SOX5: variants seen among roughly 807,000 people sequenced by gnomAD.
SOX5 encodes transcription factor SOX-5.
SOX5 carries 9 observed loss-of-function variants against 92.0 expected under a neutral mutation model. That is an observed-to-expected ratio of 0.10 (90% CI 0.06 to 0.17). The LOEUF (loss-of-function observed/expected upper bound fraction) is 0.17. Among genes scored for constraint, SOX5 ranks in the 10% least tolerant of loss-of-function variants. The pLI is 1.00. For missense variants in SOX5, 642 were observed against 944.5 expected, an observed-to-expected ratio of 0.68 and a Z score of 4.20; for synonymous variants, 344 against 336.3, an observed-to-expected ratio of 1.02 and a Z score of -0.25.
At chr12:24,310,275 T>C (rs1291053621) in intron 2 of SOX5, among the ~76,000 whole-genome samples, 1 of 152,168 alleles carries the variant, frequency 6.6e-6, no homozygotes, top group Non-Finnish European at 1.5e-5. Context: ...ATAACAAAGA[T>C]CGTACATTTA....
intron 4 of SOX5, among the ~76,000 whole-genome samples, chr12:24,173,154 C>T (rs1202657571): frequency 2.0e-5 from 3 of 152,192 alleles, no homozygotes; most frequent in African/African-American, 4.8e-5. Flanking sequence ...CCCATCGCAT[C>T]GTCCCACCCT....
chr12:23,904,313 C>G (rs2097268007), intron 1 of SOX5, among the ~76,000 whole-genome samples: 1 of 149,950 alleles, frequency 6.7e-6, no homozygotes, highest in Non-Finnish European at 1.5e-5. Flanking sequence ...TACTTCTCTA[C>G]CCATTTCTTC....
rs1938625807 is a variant in SOX5 at position 23,530,010 on chromosome 12, ACT to A, written c.*4207_*4208del. 6.6e-6 allele frequency: 1 copy of A among 152,038 alleles called. No homozygotes were observed. Among genetic ancestry groups the A allele is most frequent in the Non-Finnish European group, 1.5e-5 (1 of 68,020 alleles). 9.4% of individuals were successfully genotyped at this position (152,038 alleles called of 1,614,324 possible). A position where few individuals can be genotyped will look rare whatever the true frequency, so the allele number is the denominator to read the frequency against. ...ACAGGAATCAATCAATCAGTAGGAAACTCAACACATCGTCTTCAACCTGGGAA... is the reference window on the plus strand; with the variant it reads ...ACAGGAATCAATCAATCAGTAGGAAACAACACATCGTCTTCAACCTGGGAA... On this transcript the variant is annotated 3_prime_UTR_variant, in exon 15 of 15. Coordinates refer to ENST00000451604, the MANE Select transcript of SOX5 (RefSeq NM_006940.6).
At chr12:23,804,556 C>T (rs1483027617) in intron 3 of SOX5, among the ~76,000 whole-genome samples, 2 of 152,096 alleles carry the variant, frequency 1.3e-5, no homozygotes, top group African/African-American at 4.8e-5. Flanking sequence ...CTTCTCAATC[C>T]TAACCTCTCT....
chr12:24,045,822 T>A (rs2137050803), intron 4 of SOX5, among the ~76,000 whole-genome samples: 1 of 152,338 alleles, frequency 6.6e-6, no homozygotes, highest in South Asian at 2.1e-4. Flanking sequence ...ATTCCCTCCT[T>A]GAACAATTCA....
At chr12:24,087,764 T>TA (rs887690157) in intron 4 of SOX5, among the ~76,000 whole-genome samples, 2 of 134,614 alleles carry the variant, frequency 1.5e-5, no homozygotes, top group African/African-American at 5.1e-5. Context: ...AGCAGATTGT[T>TA]AAACATTTTT....
intron 4 of SOX5, among the ~76,000 whole-genome samples, chr12:24,212,087 C>A (rs978710183): frequency 1.7e-4 from 26 of 152,148 alleles, no homozygotes; most frequent in African/African-American, 6.3e-4. Flanking sequence ...CTTACTTTGG[C>A]GTATCATTTT....
chr12:24,126,568 C>A (rs1014904925), intron 4 of SOX5, among the ~76,000 whole-genome samples: 17 of 152,224 alleles, frequency 1.1e-4, no homozygotes, highest in Admixed American at 9.8e-4. Context: ...ATCTCCACCA[C>A]CTCCATTCTA....
chr12:24,397,891 C>G (rs1220736370), intron 1 of SOX5, among the ~76,000 whole-genome samples: 1 of 151,604 alleles, frequency 6.6e-6, no homozygotes, highest in East Asian at 1.9e-4. Flanking sequence ...GCTGTGTCAC[C>G]CAGGCTGGAG....
intron 4 of SOX5, chr12:24,212,418 C>T (rs1412865472): frequency 1.9e-6 from 1 of 533,336 alleles, no homozygotes; most frequent in Admixed American, 1.9e-5. Context: ...GAAAAAGCCA[C>T]TGGTAGTTGT....
chr12:24,523,616 G>A (rs1356848313), intron 1 of SOX5, among the ~76,000 whole-genome samples: 6 of 152,120 alleles, frequency 3.9e-5, no homozygotes, highest in Non-Finnish European at 8.8e-5. Context: ...CTGCAACAAG[G>A]GTGCCAAGAA....
At chr12:24,195,996 T>C (rs929792356) in intron 4 of SOX5, among the ~76,000 whole-genome samples, 1 of 152,202 alleles carries the variant, frequency 6.6e-6, no homozygotes, top group Non-Finnish European at 1.5e-5. Flanking sequence ...GCGATTCTCC[T>C]GCCTCAGACG....
intron 1 of SOX5, among the ~76,000 whole-genome samples, chr12:24,464,332 T>TG (rs1442461990): frequency 1.3e-5 from 2 of 151,824 alleles, no homozygotes; most frequent in East Asian, 3.9e-4. Context: ...AATTTTTTTT[T>TG]TTTTTTTTGA....
intron 4 of SOX5, among the ~76,000 whole-genome samples, chr12:23,983,591 C>T (rs746951258): frequency 2.2e-4 from 33 of 152,148 alleles, no homozygotes; most frequent in Non-Finnish European, 4.0e-4. Flanking sequence ...TTTGAGCAAG[C>T]AATTAAATAT....
intron 6 of SOX5, among the ~76,000 whole-genome samples, chr12:23,718,470 G>T (rs1312020990): frequency 2.0e-5 from 3 of 152,144 alleles, no homozygotes; most frequent in Non-Finnish European, 4.4e-5. Flanking sequence ...TAATTTCAGG[G>T]ACTTGGCAGA....
chr12:24,215,255 C>T lies in SOX5; in HGVS notation c.-76-1838G>A, dbSNP rs574425659. On this transcript the variant is annotated intron_variant, in intron 3 of 4. Coordinates refer to the SOX5 transcript ENST00000446891. ...TTATTAGAGATTTCATACAGGTTCA[C>T]TAAATAAGAAACAGAAAGAAAAGGC... 5.3e-5 allele frequency among the ~76,000 whole-genome samples: 8 copies of T among 152,006 alleles called. No homozygotes were observed. In the South Asian group the frequency reaches 1.7e-3, roughly 32 times the overall value.
At chr12:23,881,871 AG>A (rs894082480) in intron 2 of SOX5, among the ~76,000 whole-genome samples, 1 of 152,082 alleles carries the variant, frequency 6.6e-6, no homozygotes, top group East Asian at 1.9e-4. Flanking sequence ...CATATGAAAA[AG>A]GGGGGGAAAC....
intron 1 of SOX5, among the ~76,000 whole-genome samples, chr12:24,468,141 G>A (rs755728588): frequency 1.3e-5 from 2 of 152,142 alleles, no homozygotes; most frequent in South Asian, 2.1e-4. Flanking sequence ...TAGATGGAGC[G>A]GGTGAAAGGC....
chr12:24,446,466 T>TGTA (rs1419612046), intron 1 of SOX5, among the ~76,000 whole-genome samples: 2 of 152,046 alleles, frequency 1.3e-5, no homozygotes, highest in Non-Finnish European at 2.9e-5. Context: ...ACAGAAAAAA[T>TGTA]CAGCATATGG....
Sources: allele counts gnomAD v4.1 joint callset (sites outside exome capture counted in the v4.1 genomes callset), GRCh38; gene constraint gnomAD v4.1.1; transcripts MANE v1.5; gene names NCBI Gene and HGNC (gene_info 2026-07-23, HGNC 2026-07-21).